SETD5: variants seen among roughly 807,000 people sequenced by gnomAD.
SETD5 encodes SET domain containing 5, also known as histone-lysine N-methyltransferase SETD5.
Under a neutral mutation model 153.3 loss-of-function variants are expected in SETD5, and 44 were observed. The observed-to-expected ratio is 0.29, with a 90% CI of 0.23 to 0.37. SETD5 has a LOEUF of 0.37. Among genes scored for constraint, SETD5 ranks in the 10% least tolerant of loss-of-function variants. SETD5 has a pLI of 1.00. For synonymous variants in SETD5, 716 were observed against 645.2 expected, an observed-to-expected ratio of 1.11 and a Z score of -1.66; for missense variants, 1,544 against 1,768.0, an observed-to-expected ratio of 0.87 and a Z score of 2.27.
At chr3:9,448,336 A>G in intron 15 of SETD5, 52 bp from the exon 16 acceptor site, 3 of 1,586,238 alleles carry the variant, frequency 1.9e-6, no homozygotes, top group East Asian at 4.5e-5. Context: ...GTCTTTATGA[A>G]CTACACTGCT....
chr3:9,442,325 C>A, intron 10 of SETD5, 80 bp downstream of exon 10: 1 of 1,015,432 alleles, frequency 9.8e-7, no homozygotes, highest in Non-Finnish European at 1.5e-6. Flanking sequence ...GAAAACTTCA[C>A]TCAGATAAAG....
Position 9,475,889 on chromosome 3 carries a change from A to G in SETD5, c.4127A>G (p.Gln1376Arg). 1 of 1,614,000 alleles carries G rather than the reference A, an allele frequency of 6.2e-7. No individual in the cohort carries two copies. Among genetic ancestry groups the G allele is most frequent in the Non-Finnish European group, 8.5e-7 (1 of 1,179,880 alleles). The change falls in exon 23 of 23, where the codon CAG (glutamine) becomes CGG (arginine). Residue 1376 changes from glutamine to arginine, a missense_variant. Gln to Arg is a conservative substitution (Grantham distance 43, BLOSUM62 1). Transcript: ENST00000402198. ...ACTCTGAGTTCCACCTCCTTTCCTCAGAACTCTAGGTCGTCATTGCCATCA... is the reference window on the plus strand; with the variant it reads ...ACTCTGAGTTCCACCTCCTTTCCTCGGAACTCTAGGTCGTCATTGCCATCA... Reference protein sequence around the residue: ...TGTLSSTSFPQNSRSSLPSDL... With the variant: ...TGTLSSTSFPRNSRSSLPSDL...
rs552858885 is a variant in SETD5 at position 9,438,018 on chromosome 3, T to A, written c.567+2112T>A. 3.8e-3 allele frequency among the ~76,000 whole-genome samples: 574 copies of A among 151,290 alleles called. 11 individuals are homozygous for A. The highest frequency in any genetic ancestry group is 0.028 in the Admixed American group (420 of 15,180). Reference sequence around the variant, plus strand: ...ACTCCATCTCAAAAAAAAAAAAAAATTCAGTAAGGATAAGCTTTTTAGGAT... The same window carrying A: ...ACTCCATCTCAAAAAAAAAAAAAAAATCAGTAAGGATAAGCTTTTTAGGAT... On this transcript the variant is annotated intron_variant, in intron 7 of 22. Coordinates refer to ENST00000402198, the MANE Select transcript of SETD5 (RefSeq NM_001080517.3).
intron 9 of SETD5, 127 bp downstream of exon 9, chr3:9,441,868 C>T (rs772759311): frequency 1.2e-5 from 14 of 1,149,236 alleles, no homozygotes; most frequent in East Asian, 2.4e-5. Context: ...TAAGCTCACA[C>T]CTGTCTGCTA....
chr3:9,451,568 C>T (rs759301392), intron 16 of SETD5, among the ~76,000 whole-genome samples: 4 of 152,144 alleles, frequency 2.6e-5, no homozygotes, highest in Admixed American at 1.3e-4. Context: ...CTACCTCAAC[C>T]TCTCGTGTAG....
chr3:9,404,733 C>T (rs543760160), intron 1 of SETD5, among the ~76,000 whole-genome samples: 3 of 152,324 alleles, frequency 2.0e-5, no homozygotes, highest in East Asian at 1.9e-4. Flanking sequence ...TCCATTGCTC[C>T]TATTACCTGG....
intron 20 of SETD5, 32 bp downstream of exon 20, chr3:9,473,569 T>C: frequency 1.3e-6 from 2 of 1,543,124 alleles, no homozygotes; most frequent in Non-Finnish European, 1.8e-6. Flanking sequence ...TATAGTTAAA[T>C]TGGGGGTGGG....
chr3:9,474,279 C>CT (rs1297707482), intron 20 of SETD5, among the ~76,000 whole-genome samples, 170 bp from the exon 21 acceptor site: 1 of 152,112 alleles, frequency 6.6e-6, no homozygotes, highest in African/African-American at 2.4e-5. Flanking sequence ...TGATGTTTCT[C>CT]TTTTGTGCCT....
intron 3 of SETD5, chr3:9,431,633 T>A: frequency 1.0e-6 from 1 of 985,656 alleles, no homozygotes; most frequent in Non-Finnish European, 1.2e-6. Flanking sequence ...TTAAATGCTG[T>A]GCTTAACTAG....
At chr3:9,466,646 T>C (rs1350761425) in intron 18 of SETD5, among the ~76,000 whole-genome samples, 1 of 152,216 alleles carries the variant, frequency 6.6e-6, no homozygotes, top group Non-Finnish European at 1.5e-5. Flanking sequence ...TACTCTTTGC[T>C]GTATTCTAGT....
rs146123970 is a variant in SETD5 at position 9,462,823 on chromosome 3, T to G, written c.2477-1602T>G. On this transcript the variant is annotated intron_variant, in intron 17 of 22. Transcript: ENST00000402198. ...CACACATCAAGTTTCTCACCTTTAATATGGGGATGATAATAATAGTGCTTG... is the reference window on the plus strand; with the variant it reads ...CACACATCAAGTTTCTCACCTTTAAGATGGGGATGATAATAATAGTGCTTG... 1.4e-3 allele frequency among the ~76,000 whole-genome samples: 213 copies of G among 152,206 alleles called. 6 individuals carry two copies. In the East Asian group the frequency reaches 0.026, roughly 18 times the overall value.
At chr3:9,470,354 CTCTTA>C in intron 18 of SETD5, 100 bp from the exon 19 acceptor site, 2 of 839,220 alleles carry the variant, frequency 2.4e-6, no homozygotes, top group South Asian at 1.6e-5. Flanking sequence ...ACTTCCGTCC[CTCTTA>C]TCTTTCCCTG....
At chr3:9,428,800 G>C in intron 2 of SETD5, 23 bp from the exon 3 acceptor site, 1 of 483,110 alleles carries the variant, frequency 2.1e-6, no homozygotes, top group South Asian at 3.8e-5. Context: ...TATTTTACTA[G>C]ATATTTTCCT....
intron 15 of SETD5, among the ~76,000 whole-genome samples, 162 bp from the exon 16 acceptor site, chr3:9,448,226 G>T (rs188955177): frequency 6.6e-6 from 1 of 152,168 alleles, no homozygotes; most frequent in African/African-American, 2.4e-5. Context: ...CTTAGTGGGC[G>T]TGGAGAGGGT....
chr3:9,422,482 C>T (rs376533485), intron 1 of SETD5, among the ~76,000 whole-genome samples: 2 of 152,078 alleles, frequency 1.3e-5, no homozygotes, highest in South Asian at 4.1e-4. Context: ...AAGCCACTGC[C>T]TCCCAAAAAG....
chr3:9,406,810 A>G (rs796434961), intron 1 of SETD5, among the ~76,000 whole-genome samples: 3 of 152,316 alleles, frequency 2.0e-5, no homozygotes, highest in African/African-American at 7.2e-5. Flanking sequence ...TAAAAATTAT[A>G]ATGTCTGCAT....
chr3:9,460,496 ATAGC>A (rs2043826841), intron 17 of SETD5, among the ~76,000 whole-genome samples: 1 of 151,810 alleles, frequency 6.6e-6, no homozygotes, highest in African/African-American at 2.4e-5. Context: ...CATTGCTAGA[ATAGC>A]TAAAATATTT....
intron 8 of SETD5, 27 bp downstream of exon 8, chr3:9,440,725 C>CT (rs1296508872): frequency 1.3e-6 from 2 of 1,599,732 alleles, no homozygotes; most frequent in Non-Finnish European, 1.7e-6. Context: ...TGAGGACTCT[C>CT]TAAGTAGCTG....
chr3:9,464,120 T>C (rs2044291736), intron 17 of SETD5, among the ~76,000 whole-genome samples: 1 of 152,206 alleles, frequency 6.6e-6, no homozygotes, highest in South Asian at 2.1e-4. Flanking sequence ...AGAGCAAGGC[T>C]CTGTCTCATA....
Sources: gnomAD v4.1 joint callset for allele counts (sites outside exome capture counted in the v4.1 genomes callset) on GRCh38, gnomAD v4.1.1 for gene constraint, MANE v1.5 for transcripts, NCBI Gene and HGNC (gene_info 2026-07-23, HGNC 2026-07-21) for gene names.